DIP2C: variants seen among roughly 807,000 people sequenced by gnomAD.
The protein encoded by DIP2C is disco-interacting protein 2 homolog C.
A neutral mutation model predicts 192.4 loss-of-function variants in DIP2C; 33 were observed. That is an observed-to-expected ratio of 0.17 (90% CI 0.13 to 0.23). The LOEUF (loss-of-function observed/expected upper bound fraction) is 0.23, where lower values mean the gene tolerates loss of function less well. DIP2C is among the 10% of genes least tolerant of loss of function. The pLI, the probability that DIP2C is intolerant of heterozygous loss-of-function variation, is 1.00. For missense variants in DIP2C, 1,537 were observed against 2,110.1 expected, an observed-to-expected ratio of 0.73 and a Z score of 5.32; for synonymous variants, 979 against 864.1, an observed-to-expected ratio of 1.13 and a Z score of -2.33.
At chr10:577,023 T>G (rs983934521) in intron 1 of DIP2C, among the ~76,000 whole-genome samples, 6 of 152,240 alleles carry the variant, frequency 3.9e-5, no homozygotes, top group African/African-American at 7.2e-5. Flanking sequence ...CAGTTTTTTC[T>G]TACTTCGTTA....
At chr10:530,160 C>T (rs944165445) in intron 1 of DIP2C, among the ~76,000 whole-genome samples, 1 of 152,216 alleles carries the variant, frequency 6.6e-6, no homozygotes, top group Admixed American at 6.5e-5. Context: ...TTCCACAGGG[C>T]GACTTTGCTT....
rs139183454 is a variant in DIP2C, at chr10:331,145, T to C, written c.3585-1544A>G. On this transcript the variant is annotated intron_variant, in intron 29 of 36. Coordinates refer to ENST00000280886, the MANE Select transcript of DIP2C (RefSeq NM_014974.3). ...CAAAATTTTATCAGTGAAACAGCAC[T>C]ATGATTAACGAGTTAGGCCTTGTTA... 2.0e-3 allele frequency among the ~76,000 whole-genome samples: 307 copies of C among 152,258 alleles called. 4 individuals carry two copies. In the East Asian group the frequency reaches 0.024, roughly 12 times the overall value.
chr10:521,097 C>G (rs141765934), intron 1 of DIP2C, among the ~76,000 whole-genome samples: 11 of 152,290 alleles, frequency 7.2e-5, no homozygotes, highest in African/African-American at 2.4e-4. Context: ...GTAATGTATA[C>G]ATTAGTAAAC....
intron 28 of DIP2C, among the ~76,000 whole-genome samples, chr10:343,667 G>C (rs1351217133): frequency 6.6e-6 from 1 of 152,186 alleles, no homozygotes; most frequent in Admixed American, 6.6e-5. Flanking sequence ...TGCCTCCCTG[G>C]ATTAGGAGTT....
intron 31 of DIP2C, among the ~76,000 whole-genome samples, chr10:321,617 C>CAGTCGGGGGTGCGGGGCTCCAGCGAG (rs1957029174): frequency 7.5e-6 from 1 of 134,048 alleles, no homozygotes. Context: ...TTAGAACAGT[C>CAGTCGGGGGTGCGGGGCTCCAGCGAG]AGTCGGGGGT....
chr10:662,201 A>T lies in DIP2C; in HGVS notation c.85+27293T>A, dbSNP rs943195411. On this transcript the variant is annotated intron_variant, in intron 1 of 36. Coordinates refer to ENST00000280886, the MANE Select transcript of DIP2C (RefSeq NM_014974.3). ...CATATTTTATCTATACACAAAGAGT[A>T]CAGGCCTCACACCTGCTCTCATTCC... The T allele has an allele frequency of 1.4e-5, 10 of 692,978 alleles. No homozygotes were observed. In the African/African-American group the frequency reaches 1.8e-4, roughly 12 times the overall value. The allele number at this position is 692,978 out of a possible 1,614,324, so 42.9% of individuals were successfully genotyped here. A position where few individuals can be genotyped will look rare whatever the true frequency, so the allele number is the denominator to read the frequency against.
At chr10:639,198 G>GTCGGGAGGGTGCTGCCCGGCTCCCGGT (rs1855007575) in intron 1 of DIP2C, among the ~76,000 whole-genome samples, 1 of 136,774 alleles carries the variant, frequency 7.3e-6, no homozygotes. Context: ...GACGCGTCAG[G>GTCGGGAGGGTGCTGCCCGGCTCCCGGT]CCATCAGGGT....
chr10:301,479 G>T (rs1956046161), intron 32 of DIP2C, among the ~76,000 whole-genome samples: 1 of 152,138 alleles, frequency 6.6e-6, no homozygotes, highest in Non-Finnish European at 1.5e-5. Context: ...TTCGCTGCTT[G>T]TCTCATTTAG....
intron 14 of DIP2C, among the ~76,000 whole-genome samples, chr10:385,457 G>T (rs1362496798): frequency 1.3e-5 from 2 of 152,186 alleles, no homozygotes; most frequent in Non-Finnish European, 2.9e-5. Flanking sequence ...ATTTTCAACA[G>T]CCTTTCGTAT....
intron 1 of DIP2C, among the ~76,000 whole-genome samples, chr10:585,004 GGGCCCGCAACCTGGCCCCCACTCACGCA>G (rs1324482175): frequency 1.4e-5 from 2 of 147,934 alleles, no homozygotes; most frequent in African/African-American, 5.0e-5. Context: ...GATAATCTCG[GGGCCCGCAACCTGGCCCCCACTCACGCA>G]CATCACCTCT....
At chr10:339,298 T>A (rs1589532270) in intron 29 of DIP2C, among the ~76,000 whole-genome samples, 1 of 152,196 alleles carries the variant, frequency 6.6e-6, no homozygotes, top group South Asian at 2.1e-4. Context: ...TCTTTTTTAA[T>A]GGGAAGATTC....
chr10:676,332 T>C (rs565683783), intron 1 of DIP2C, among the ~76,000 whole-genome samples: 2 of 152,114 alleles, frequency 1.3e-5, no homozygotes, highest in Non-Finnish European at 2.9e-5. Flanking sequence ...CACTAAGCTT[T>C]TTCTCTGAGA....
intron 24 of DIP2C, among the ~76,000 whole-genome samples, chr10:349,839 A>G (rs764924052): frequency 2.7e-4 from 41 of 152,378 alleles, no homozygotes; most frequent in Admixed American, 5.9e-4. Flanking sequence ...ACACCTGCAC[A>G]TCGGAAGACT....
chr10:277,770 C>T (rs961698804), intron 36 of DIP2C, among the ~76,000 whole-genome samples, 193 bp from the exon 37 acceptor site: 4 of 152,112 alleles, frequency 2.6e-5, no homozygotes, highest in East Asian at 1.9e-4. Flanking sequence ...CAGCACCTGT[C>T]GGTGTTTCCT....
At chr10:463,808 G>T (rs1969984922) in intron 3 of DIP2C, among the ~76,000 whole-genome samples, 1 of 152,054 alleles carries the variant, frequency 6.6e-6, no homozygotes, top group Non-Finnish European at 1.5e-5. Flanking sequence ...TAGACCAAGG[G>T]AACAGAACAG....
chr10:643,913 T>C (rs917700768), intron 1 of DIP2C, among the ~76,000 whole-genome samples: 9 of 152,314 alleles, frequency 5.9e-5, no homozygotes, highest in South Asian at 2.1e-4. Context: ...AAGGAAAAAG[T>C]GTATGGAAGA....
At chr10:553,675 GTAACTT>G (rs1302342659) in intron 1 of DIP2C, among the ~76,000 whole-genome samples, 2 of 152,242 alleles carry the variant, frequency 1.3e-5, no homozygotes, top group South Asian at 2.1e-4. Context: ...TATATAGCTT[GTAACTT>G]TAAGAGTGGC....
intron 4 of DIP2C, among the ~76,000 whole-genome samples, chr10:423,485 C>T (rs112923511): frequency 0.013 from 1,968 of 152,266 alleles, 51 homozygotes; most frequent in African/African-American, 0.045. Context: ...TCTACTACAT[C>T]GGTGTGTTAG....
intron 1 of DIP2C, among the ~76,000 whole-genome samples, chr10:507,872 C>A (rs188825481): frequency 2.6e-5 from 4 of 152,170 alleles, no homozygotes; most frequent in African/African-American, 7.2e-5. Context: ...TCACCTGAGG[C>A]CACCAAGTTT....
Sources: allele counts gnomAD v4.1 joint callset (sites outside exome capture counted in the v4.1 genomes callset), GRCh38; gene constraint gnomAD v4.1.1; transcripts MANE v1.5; gene names NCBI Gene and HGNC (gene_info 2026-07-23, HGNC 2026-07-21).